Variants in TASOR observed in about 807,000 individuals in gnomAD.
TASOR encodes protein TASOR.
A neutral mutation model predicts 178.6 loss-of-function variants in TASOR; 53 were observed. That is an observed-to-expected ratio of 0.30 (90% CI 0.24 to 0.37). TASOR has a LOEUF of 0.37. TASOR is among the 10% of genes least tolerant of loss of function. TASOR has a pLI of 1.00. For missense variants in TASOR, 1,815 were observed against 1,971.4 expected (o/e 0.92, Z 1.50); for synonymous variants, 713 against 696.2 (o/e 1.02, Z -0.38).
chr3:56,681,552 C>G, intron 1 of TASOR, among the ~76,000 whole-genome samples: 1 of 152,220 alleles, frequency 6.6e-6, no homozygotes, highest in East Asian at 1.9e-4. Context: ...GCAAATGGAA[C>G]TGGTGATGCT....
chr3:56,671,637 G>A lies in TASOR; in HGVS notation c.533C>T (p.Ser178Leu). 1.3e-6 allele frequency: 2 copies of A among 1,549,866 alleles called. No individual in the cohort carries two copies. The highest frequency in any genetic ancestry group is 1.4e-5 in the African/African-American group (1 of 73,118). ...KFDGRLDKEL[S>L]ESYAFLMVDR... ...AACCATCAGAAATGCATAGGATTCT[G>A]AAAGTTCCTTATCTAAACGACCATC... Residue 178 changes from serine to leucine, a missense_variant, in exon 3 of 24, where the codon TCA becomes TTA. By Grantham distance (145) the Ser-to-Leu change is moderately radical (BLOSUM62 -2). Around this residue, in one of 5 missense-constraint regions of TASOR, gnomAD observed 504 missense variants for 645.3 expected, o/e 0.78. Coordinates refer to ENST00000683822, the MANE Select transcript of TASOR (RefSeq NM_001365635.2).
chr3:56,632,280 G>A (rs1488306348), intron 18 of TASOR, among the ~76,000 whole-genome samples: 2 of 151,962 alleles, frequency 1.3e-5, no homozygotes, highest in African/African-American at 4.8e-5. Flanking sequence ...AGACCAGCCT[G>A]ATCAACATGG....
intron 5 of TASOR, among the ~76,000 whole-genome samples, chr3:56,669,139 A>T (rs932287560): frequency 3.3e-5 from 5 of 152,180 alleles, no homozygotes; most frequent in African/African-American, 1.2e-4. Flanking sequence ...TCATATTACC[A>T]ACATATTACT....
rs948376150 is a variant in TASOR at position 56,625,258 on chromosome 3, A to T, written c.4140-252T>A. ...GGCTAAAATCTCAGCTGATTATTCT[A>T]CTTACTAAATAATAAATTATGATTA... On this transcript the variant is annotated intron_variant, in intron 21 of 23. Coordinates refer to ENST00000683822, the MANE Select transcript of TASOR (RefSeq NM_001365635.2). 2.6e-5 allele frequency among the ~76,000 whole-genome samples: 4 copies of T among 152,248 alleles called. No homozygotes were observed. The South Asian group carries it at 8.3e-4, about 31-fold the overall frequency.
intron 1 of TASOR, 127 bp from the exon 2 acceptor site, chr3:56,673,852 G>T: frequency 1.3e-6 from 1 of 769,770 alleles, no homozygotes; most frequent in Non-Finnish European, 2.0e-6. Flanking sequence ...ATCTTACTTT[G>T]TGATACGCAA....
chr3:56,663,131 C>T lies in TASOR; in HGVS notation c.1054+410G>A, dbSNP rs143159606. Reference sequence around the variant, plus strand: ...CCAGGAGGCAGAGGTTGCAGTGAGCCGAGATCACGCCACTGCACCCCAGCC... The same window carrying T: ...CCAGGAGGCAGAGGTTGCAGTGAGCTGAGATCACGCCACTGCACCCCAGCC... On this transcript the variant is annotated intron_variant, in intron 8 of 23. Coordinates refer to ENST00000683822, the MANE Select transcript of TASOR (RefSeq NM_001365635.2). Among the ~76,000 whole-genome samples the T allele has an allele frequency of 4.7e-3, 712 of 151,842 alleles. 3 individuals are homozygous for T. Among genetic ancestry groups the T allele is most frequent in the African/African-American group, 0.016 (669 of 41,404 alleles).
chr3:56,675,042 G>A (rs943253729), intron 1 of TASOR, among the ~76,000 whole-genome samples: 2 of 152,084 alleles, frequency 1.3e-5, no homozygotes, highest in African/African-American at 4.8e-5. Context: ...AGCCAGGATG[G>A]TCTCGATCTC....
intron 22 of TASOR, 49 bp downstream of exon 22, chr3:56,624,779 A>T: frequency 6.3e-7 from 1 of 1,584,556 alleles, no homozygotes; most frequent in Non-Finnish European, 8.6e-7. Context: ...AAATCCTTTC[A>T]TTCACATTCC....
intron 6 of TASOR, among the ~76,000 whole-genome samples, chr3:56,667,082 TA>T (rs2030096944): frequency 6.6e-6 from 1 of 152,180 alleles, no homozygotes; most frequent in African/African-American, 2.4e-5. Flanking sequence ...TTAAAAAACG[TA>T]AGGCCAGTTT....
chr3:56,669,611 A>T, intron 5 of TASOR, 89 bp downstream of exon 5: 1 of 793,056 alleles, frequency 1.3e-6, no homozygotes, highest in Non-Finnish European at 2.0e-6. Flanking sequence ...ATGAACTTTT[A>T]AACAATCTCC....
chr3:56,644,806 T>C (rs557991685), intron 14 of TASOR, among the ~76,000 whole-genome samples: 82 of 152,334 alleles, frequency 5.4e-4, no homozygotes, highest in African/African-American at 1.8e-3. Flanking sequence ...TTATAGTTAC[T>C]GCAAAGAAAA....
chr3:56,681,853 C>T (rs747003353), intron 1 of TASOR, among the ~76,000 whole-genome samples: 39 of 152,138 alleles, frequency 2.6e-4, no homozygotes, highest in Non-Finnish European at 5.3e-4. Context: ...ATTAATGTAA[C>T]TGTTTCCATA....
intron 14 of TASOR, among the ~76,000 whole-genome samples, chr3:56,645,015 T>C (rs2077206644): frequency 6.6e-6 from 1 of 152,234 alleles, no homozygotes; most frequent in Non-Finnish European, 1.5e-5. Flanking sequence ...GGCTGACGAC[T>C]GTAATCCCAG....
At chr3:56,679,600 G>C (rs531948425) in intron 1 of TASOR, among the ~76,000 whole-genome samples, 1 of 152,300 alleles carries the variant, frequency 6.6e-6, no homozygotes, top group Admixed American at 6.5e-5. Flanking sequence ...GACTAAACCA[G>C]TATGGAAATT....
chr3:56,668,657 C>T, intron 5 of TASOR, 99 bp from the exon 6 acceptor site: 1 of 918,042 alleles, frequency 1.1e-6, no homozygotes, highest in Non-Finnish European at 1.6e-6. Context: ...GATCAACTAT[C>T]CCAACCATTT....
chr3:56,641,722 T>C lies in TASOR; in HGVS notation c.2246A>G (p.His749Arg). ...ESPQPIGSLG[H>R]DADLRRQQQD... The stretch of plus-strand genomic sequence containing the variant: ...CTGCTGCCGCCTCAAGTCAGCATCA[T>C]GTCCAAGTGAGCCAATAGGCTGTGG... Residue 749 changes from histidine to arginine, a missense_variant, in exon 15 of 24, where the codon CAT becomes CGT. His to Arg is a conservative substitution (Grantham distance 29). This residue lies in a region of TASOR where 655 missense variants were observed against 671.1 expected (regional missense o/e 0.98). Coordinates refer to ENST00000683822, the MANE Select transcript of TASOR (RefSeq NM_001365635.2). The C allele has an allele frequency of 6.2e-7, 1 of 1,614,090 alleles. No homozygotes were observed. Among genetic ancestry groups the C allele is most frequent in the African/African-American group, 1.3e-5 (1 of 75,064 alleles).
intron 1 of TASOR, among the ~76,000 whole-genome samples, chr3:56,679,086 T>C (rs1050553346): frequency 6.6e-6 from 1 of 151,088 alleles, no homozygotes; most frequent in African/African-American, 2.4e-5. Flanking sequence ...AAGTAACTAA[T>C]ACATAGAAGA....
At chr3:56,676,242 T>A (rs986158412) in intron 1 of TASOR, among the ~76,000 whole-genome samples, 1 of 152,128 alleles carries the variant, frequency 6.6e-6, no homozygotes, top group Non-Finnish European at 1.5e-5. Flanking sequence ...GTCAAGAAAA[T>A]GAGAAATTTT....
chr3:56,668,410 T>C lies in TASOR; in HGVS notation c.884A>G (p.Tyr295Cys). The change falls in exon 6 of 24, where the codon TAT (tyrosine) becomes TGT (cysteine). Residue 295 changes from tyrosine to cysteine, a missense_variant. This residue lies in a region of TASOR where 504 missense variants were observed against 645.3 expected (regional missense o/e 0.78). Coordinates refer to ENST00000683822, the MANE Select transcript of TASOR (RefSeq NM_001365635.2). ...CCTGGAACCTACCTGAGTAAGCTCATAGGCTCTGTAAGCCAAAAGTGATGT... is the reference window on the plus strand; with the variant it reads ...CCTGGAACCTACCTGAGTAAGCTCACAGGCTCTGTAAGCCAAAAGTGATGT... Reference protein sequence around the residue: ...RITSLLAYRAYELTQYYFYEY... With the variant: ...RITSLLAYRACELTQYYFYEY... 2.6e-6 allele frequency: 4 copies of C among 1,551,570 alleles called. No homozygotes were observed. Among genetic ancestry groups the C allele is most frequent in the Non-Finnish European group, 3.5e-6 (4 of 1,146,936 alleles).
Sources: allele counts gnomAD v4.1 joint callset (sites outside exome capture counted in the v4.1 genomes callset), GRCh38; gene constraint gnomAD v4.1.1; regional missense constraint gnomAD v4.1.1; transcripts MANE v1.5; gene names NCBI Gene and HGNC (gene_info 2026-07-23, HGNC 2026-07-21).